The following PDE10A variants were observed in gnomAD, a reference collection of about 807,000 sequenced individuals.
PDE10A encodes phosphodiesterase 10A, also known as cAMP and cAMP-inhibited cGMP 3',5'-cyclic phosphodiesterase 10A.
A neutral mutation model predicts 97.7 loss-of-function variants in PDE10A; 39 were observed. That is an observed-to-expected ratio of 0.40 (90% CI 0.31 to 0.52). PDE10A has a LOEUF of 0.52. PDE10A is among the 20% of genes least tolerant of loss of function. The pLI is 0.56. For missense variants in PDE10A, 731 were observed against 1,047.8 expected, an observed-to-expected ratio of 0.70 and a Z score of 4.17; for synonymous variants, 371 against 376.8, an observed-to-expected ratio of 0.98 and a Z score of 0.18.
intron 7 of PDE10A, 74 bp downstream of exon 7, chr6:165,432,900 A>C (rs1789703070): frequency 1.9e-6 from 2 of 1,033,462 alleles, no homozygotes; most frequent in East Asian, 4.8e-5. Flanking sequence ...AGTATTACTT[A>C]GCAATACTAA....
intron 1 of PDE10A, among the ~76,000 whole-genome samples, chr6:165,623,417 C>A (rs1234121049): frequency 6.6e-6 from 1 of 152,072 alleles, no homozygotes; most frequent in African/African-American, 2.4e-5. Context: ...CACACCCAGC[C>A]TCAGGTGTTT....
intron 13 of PDE10A, among the ~76,000 whole-genome samples, chr6:165,401,166 C>A (rs1427657274): frequency 1.3e-5 from 2 of 152,154 alleles, no homozygotes; most frequent in Non-Finnish European, 2.9e-5. Context: ...TATTGTGTAT[C>A]AATAAACCTC....
At chr6:165,697,934 G>T (rs557725686) in intron 1 of PDE10A, among the ~76,000 whole-genome samples, 1 of 152,120 alleles carries the variant, frequency 6.6e-6, no homozygotes, top group Non-Finnish European at 1.5e-5. Flanking sequence ...GAGCATCCCT[G>T]GTTTATTCCT....
intron 1 of PDE10A, among the ~76,000 whole-genome samples, chr6:165,839,818 C>A: frequency 6.7e-6 from 1 of 149,300 alleles, no homozygotes; most frequent in Non-Finnish European, 1.5e-5. Context: ...AGCTCCATCC[C>A]CATCTCCAAT....
intron 1 of PDE10A, among the ~76,000 whole-genome samples, chr6:165,646,336 T>C (rs1406067672): frequency 6.6e-6 from 1 of 152,202 alleles, no homozygotes; most frequent in Non-Finnish European, 1.5e-5. Flanking sequence ...TATAAATATG[T>C]AAGGTGGGCA....
At chr6:165,478,547 T>G (rs1779424274) in intron 3 of PDE10A, among the ~76,000 whole-genome samples, 1 of 152,202 alleles carries the variant, frequency 6.6e-6, no homozygotes, top group African/African-American at 2.4e-5. Flanking sequence ...CCAGCCTGAC[T>G]CTAGTATAGC....
rs1790649353 is a variant in PDE10A, at chr6:165,671,599, GA to G, written c.-614-128032del. ...TAATTCACTTCCATCACTACTCGTA[GA>G]AGCCCTTAGAGGCAGCTTTAATAGC... On this transcript the variant is annotated intron_variant, in intron 1 of 19. Transcript: ENST00000366882. This position sits in a 1 kb window ranked among gnomAD's most constrained non-coding sequence, Gnocchi z 4.6. Among the ~76,000 whole-genome samples the G allele has an allele frequency of 6.6e-6, 1 of 152,140 alleles. No individual in the cohort carries two copies. Among genetic ancestry groups the G allele is most frequent in the Non-Finnish European group, 1.5e-5 (1 of 68,032 alleles).
In PDE10A at chr6:165,332,357, G is replaced by A. The variant is rs969962551; in HGVS notation, c.*668C>T. On this transcript the variant is annotated 3_prime_UTR_variant, in exon 22 of 22. Coordinates refer to ENST00000539869, the MANE Select transcript of PDE10A (RefSeq NM_001385079.1). ...CTCAAAAAGACAGGAAGTCTACTTC[G>A]TCTAGTGTTAAATTTATTGATCTCA... 6 of 152,146 alleles carry A rather than the reference G, an allele frequency of 3.9e-5. No homozygotes were observed. Among genetic ancestry groups the A allele is most frequent in the Admixed American group, 6.5e-5 (1 of 15,278 alleles). The allele number at this position is 152,146 out of a possible 1,614,324, so 9.4% of individuals were successfully genotyped here.
intron 1 of PDE10A, among the ~76,000 whole-genome samples, chr6:165,943,226 AGAAAGAAAGAAG>A (rs1215379570): frequency 0.017 from 844 of 49,760 alleles, 12 homozygotes; most frequent in Admixed American, 0.031. Context: ...AAAGAAAGAA[AGAAAGAAAGAAG>A]GAAGGAAGGA....
chr6:165,705,503 TG>T (rs1791685072), intron 1 of PDE10A, among the ~76,000 whole-genome samples: 1 of 152,248 alleles, frequency 6.6e-6, no homozygotes, highest in South Asian at 2.1e-4. Flanking sequence ...CGGTGCCTGA[TG>T]CAGAGCAGGT....
At chr6:165,919,046 T>TAA (rs1213221838) in intron 1 of PDE10A, among the ~76,000 whole-genome samples, 1 of 152,188 alleles carries the variant, frequency 6.6e-6, no homozygotes, top group Non-Finnish European at 1.5e-5. Context: ...TATTCTTGAA[T>TAA]AAACATAGAG....
At chr6:165,408,899 C>T (rs1787455142) in intron 13 of PDE10A, among the ~76,000 whole-genome samples, 1 of 152,122 alleles carries the variant, frequency 6.6e-6, no homozygotes, top group Non-Finnish European at 1.5e-5. Flanking sequence ...GGCGCGGTGG[C>T]TCACACCTAT....
chr6:165,499,524 G>A (rs575231979), intron 2 of PDE10A, among the ~76,000 whole-genome samples: 24 of 152,300 alleles, frequency 1.6e-4, no homozygotes, highest in African/African-American at 4.8e-4. Context: ...TGTTGTATCA[G>A]TTAGGAAATT....
intron 1 of PDE10A, among the ~76,000 whole-genome samples, chr6:165,738,260 G>A (rs1489217329): frequency 1.3e-5 from 2 of 150,116 alleles, no homozygotes; most frequent in African/African-American, 4.9e-5. Flanking sequence ...AGAATATGCG[G>A]TGTTTGGTTT....
At chr6:165,437,143 T>A (rs1790079730) in intron 5 of PDE10A, among the ~76,000 whole-genome samples, 1 of 152,140 alleles carries the variant, frequency 6.6e-6, no homozygotes, top group Admixed American at 6.5e-5. Context: ...TGGAGCAAGC[T>A]TCCAACAGTA....
chr6:165,963,384 C>T (rs546966230), intron 1 of PDE10A, among the ~76,000 whole-genome samples: 1 of 152,344 alleles, frequency 6.6e-6, no homozygotes, highest in South Asian at 2.1e-4. Flanking sequence ...GTAGGAGCTG[C>T]TATCCTCATC....
At chr6:165,548,276 CTTTTTTTTTT>C (rs57134252) in intron 1 of PDE10A, among the ~76,000 whole-genome samples, 1 of 105,662 alleles carries the variant, frequency 9.5e-6, no homozygotes, top group Non-Finnish European at 1.9e-5. Context: ...CTTTAAATCT[CTTTTTTTTTT>C]TTTTTTTTTT....
In PDE10A at chr6:165,379,650, C is replaced by T. The variant is rs180721300; in HGVS notation, c.2611-284G>A. On this transcript the variant is annotated intron_variant, in intron 17 of 21. Coordinates refer to ENST00000539869, the MANE Select transcript of PDE10A (RefSeq NM_001385079.1). ...TAAAACCCCAGTGATTTAAATATAT[C>T]TAGTTCTTGGATATTTCTAATAGTT... Among the ~76,000 whole-genome samples, 41 of 152,140 alleles carry T rather than the reference C, an allele frequency of 2.7e-4. No individual in the cohort carries two copies. The East Asian group carries it at 7.3e-3, about 27-fold the overall frequency.
At chr6:165,468,596 TA>T (rs1260302157) in intron 3 of PDE10A, among the ~76,000 whole-genome samples, 2 of 152,216 alleles carry the variant, frequency 1.3e-5, no homozygotes, top group African/African-American at 4.8e-5. Context: ...GTAAGGTTTT[TA>T]ACAAATATTT....
Sources: gnomAD v4.1 joint callset for allele counts (sites outside exome capture counted in the v4.1 genomes callset) on GRCh38, gnomAD v4.1.1 for gene constraint, Gnocchi (gnomAD v3.1) non-coding constraint, MANE v1.5 for transcripts, NCBI Gene and HGNC (gene_info 2026-07-23, HGNC 2026-07-21) for gene names.